TP53I13: variants seen among roughly 807,000 people sequenced by gnomAD.
The protein encoded by TP53I13 is tumor protein p53-inducible protein 13.
Under a neutral mutation model 39.1 loss-of-function variants are expected in TP53I13, and 27 were observed. The observed-to-expected ratio is 0.69, with a 90% CI of 0.51 to 0.95. TP53I13 has a LOEUF of 0.95. Ranked by LOEUF, TP53I13 falls within the 40% of genes least tolerant of loss-of-function variation. TP53I13 has a pLI of 0.00. For missense variants in TP53I13, 544 were observed against 520.4 expected (o/e 1.05, Z -0.44); for synonymous variants, 230 against 224.6 (o/e 1.02, Z -0.22).
chr17:29,569,635 A>C, intron 3 of TP53I13: 1 of 351,250 alleles, frequency 2.8e-6, no homozygotes. Context: ...TGTGAGTGGA[A>C]CTCTCTCTGA....
Position 29,572,539 on chromosome 17 carries a change from C to T in TP53I13, c.911C>T (p.Thr304Ile), listed in dbSNP as rs892961067. The T allele has an allele frequency of 2.5e-6, 4 of 1,605,744 alleles. No individual in the cohort carries two copies. The African/African-American group carries it at 4.0e-5, about 16-fold the overall frequency. Residue 304 changes from threonine (T) to isoleucine (I), a missense_variant, in exon 6 of 7, where the codon ACC becomes ATC. By Grantham distance (89) the Thr-to-Ile change is moderately conservative. Coordinates refer to ENST00000301057, the MANE Select transcript of TP53I13 (RefSeq NM_138349.4). Reference sequence around the variant, plus strand: ...CCTCCACGGGCAGCCCGGGGCCCCACCCCACGCACTGAAGAGGCCGCCTGG... The same window carrying T: ...CCTCCACGGGCAGCCCGGGGCCCCATCCCACGCACTGAAGAGGCCGCCTGG... ...AAPPRAARGP[T>I]PRTEEAAWAA...
chr17:29,575,291 T>C, downstream of TP53I13: 4 of 1,611,088 alleles, frequency 2.5e-6, no homozygotes, highest in Non-Finnish European at 3.4e-6. The surrounding 1 kb of genome is among the most constrained non-coding windows in gnomAD (Gnocchi z 5.5). Flanking sequence ...TCAGTACCTG[T>C]CATGCTTGAA....
chr17:29,568,859 C>T lies in TP53I13; in HGVS notation c.72+29C>T. On this transcript the variant is annotated intron_variant, in intron 1 of 6. Coordinates refer to ENST00000301057, the MANE Select transcript of TP53I13 (RefSeq NM_138349.4). The surrounding 1 kb of genome is among the most constrained non-coding windows in gnomAD (Gnocchi z 4.5). The stretch of plus-strand genomic sequence containing the variant: ...AGGTGACCCGCTCCTGGGAAGGCCT[C>T]GGCCCGCGAGCTCAAAGCGCTTTGC... The T allele has an allele frequency of 1.9e-6, 3 of 1,599,678 alleles. No homozygotes were observed. The highest frequency in any genetic ancestry group is 1.1e-5 in the South Asian group (1 of 91,026).
the TP53I13 span, chr17:29,578,386 G>A: frequency 3.7e-6 from 6 of 1,613,280 alleles, no homozygotes; most frequent in South Asian, 2.2e-5. Context: ...AGGAAGAGAG[G>A]GGCCCAGATG....
downstream of TP53I13, chr17:29,574,380 C>A: frequency 2.6e-6 from 1 of 386,476 alleles, no homozygotes. Context: ...GTGTCCCCAC[C>A]TGCCCCTTTG....
chr17:29,575,298 T>G (rs2033151398), downstream of TP53I13: 1 of 1,611,838 alleles, frequency 6.2e-7, no homozygotes, highest in East Asian at 2.2e-5. This position sits in a 1 kb window ranked among gnomAD's most constrained non-coding sequence, Gnocchi z 5.5. Flanking sequence ...CTGTCATGCT[T>G]GAACTCCTGG....
At position 29,572,965 on chromosome 17, in the gene TP53I13, CGCCGCGAG is replaced by C. The variant is rs1444451118; in HGVS notation, c.*49_*56del. 21 of 1,355,392 alleles carry C rather than the reference CGCCGCGAG, an allele frequency of 1.5e-5. No homozygotes were observed. The East Asian group carries it at 6.1e-4, about 40-fold the overall frequency. The allele number at this position is 1,355,392 out of a possible 1,614,324, so 84.0% of individuals were successfully genotyped here. A position where few individuals can be genotyped will look rare whatever the true frequency, so the allele number is the denominator to read the frequency against. Reference sequence around the variant, plus strand: ...CACTGTGGCGTGCGGCTCCTCCCCGCGCCGCGAGGCCGCGACCTCTGCCACGTGGACCG... The same window carrying C: ...CACTGTGGCGTGCGGCTCCTCCCCGCGCCGCGACCTCTGCCACGTGGACCG... On this transcript the variant is annotated 3_prime_UTR_variant, in exon 7 of 7. Coordinates refer to ENST00000301057, the MANE Select transcript of TP53I13 (RefSeq NM_138349.4).
the TP53I13 span, chr17:29,579,169 T>G: frequency 1.6e-6 from 1 of 611,890 alleles, no homozygotes; most frequent in Non-Finnish European, 3.0e-6. Context: ...TGGCTTGCTC[T>G]TCCTCTCAGT....
chr17:29,581,701 C>A, the TP53I13 span: 1 of 1,521,752 alleles, frequency 6.6e-7, no homozygotes, highest in Non-Finnish European at 9.0e-7. This position sits in a 1 kb window ranked among gnomAD's most constrained non-coding sequence, Gnocchi z 4.8. Context: ...CCAGCCCCAG[C>A]CAGGCCTGTC....
Position 29,572,669 on chromosome 17 carries a change from C to T in TP53I13, c.1041C>T (p.Pro347=). The change falls in exon 6 of 7, where the codon CCC becomes CCT. Residue 347 remains proline, a synonymous_variant. Coordinates refer to ENST00000301057, the MANE Select transcript of TP53I13 (RefSeq NM_138349.4). ...FRRGESIYWG[P]TADSQDTVAA... ...GCGGGGAGAGCATCTACTGGGGGCCCACAGCGGACAGCCAGGACACAGTGG... is the reference window on the plus strand; with the variant it reads ...GCGGGGAGAGCATCTACTGGGGGCCTACAGCGGACAGCCAGGACACAGTGG... The T allele has an allele frequency of 6.3e-7, 1 of 1,575,232 alleles. No individual in the cohort carries two copies. Among genetic ancestry groups the T allele is most frequent in the Non-Finnish European group, 8.6e-7 (1 of 1,161,112 alleles).
At chr17:29,581,957 A>T in the TP53I13 span, 1 of 1,612,920 alleles carries the variant, frequency 6.2e-7, no homozygotes, top group East Asian at 2.2e-5. This position sits in a 1 kb window ranked among gnomAD's most constrained non-coding sequence, Gnocchi z 4.8. Context: ...GCGGCCATTA[A>T]CATCAGGGGA....
rs763788667 is a variant in TP53I13 at position 29,568,990 on chromosome 17, G to C, written c.73-28G>C. 6.2e-7 allele frequency: 1 copy of C among 1,601,464 alleles called. No homozygotes were observed. Among genetic ancestry groups the C allele is most frequent in the East Asian group, 2.3e-5 (1 of 44,344 alleles). ...AGGGCAGGGCCTCGCCGCGTCCAGC[G>C]CCCCAACTCTTCGCTTTGGACCCAC... On this transcript the variant is annotated intron_variant, in intron 1 of 6. Transcript: ENST00000301057. The surrounding 1 kb of genome is among the most constrained non-coding windows in gnomAD (Gnocchi z 4.5).
At chr17:29,569,164 C>A in intron 2 of TP53I13, 78 bp downstream of exon 2, 1 of 1,504,180 alleles carries the variant, frequency 6.6e-7, no homozygotes, top group Non-Finnish European at 9.1e-7. Context: ...CCGCACCCTC[C>A]ACAGTCACCA....
At chr17:29,579,116 C>G in the TP53I13 span, 1 of 797,766 alleles carries the variant, frequency 1.3e-6, no homozygotes, top group Non-Finnish European at 2.2e-6. Context: ...CCAGAAGGGA[C>G]AAAGCTGAAT....
chr17:29,581,686 C>T, the TP53I13 span: 6 of 1,431,642 alleles, frequency 4.2e-6, no homozygotes, highest in African/African-American at 4.2e-5. The surrounding 1 kb of genome is among the most constrained non-coding windows in gnomAD (Gnocchi z 4.8). Flanking sequence ...CCAGGTCCCA[C>T]CTGCCCAGCC....
chr17:29,579,341 TCCACCCAGCAGCCAGGGTGA>T, the TP53I13 span: 2 of 336,924 alleles, frequency 5.9e-6, no homozygotes, highest in South Asian at 8.6e-5. Flanking sequence ...ACAATCCTGT[TCCACCCAGCAGCCAGGGTGA>T]TTTTTTGGAT....
downstream of TP53I13, chr17:29,577,594 G>C: frequency 8.5e-7 from 1 of 1,175,970 alleles, no homozygotes; most frequent in Non-Finnish European, 1.3e-6. Flanking sequence ...GATGAGGAGG[G>C]ACCGCGGGGA....
At chr17:29,576,179 C>A (rs759741896), downstream of TP53I13, 2 of 1,609,786 alleles carry the variant, frequency 1.2e-6, no homozygotes. Context: ...TGCGGCAGCC[C>A]CACCCATCTC....
chr17:29,566,892 G>A (rs1293792051), upstream of TP53I13: 1 of 1,494,128 alleles, frequency 6.7e-7, no homozygotes. Flanking sequence ...AGGGTCCCCG[G>A]AGCCGCGGGC....
Sources: gnomAD v4.1 joint callset for allele counts on GRCh38, gnomAD v4.1.1 for gene constraint, Gnocchi (gnomAD v3.1) non-coding constraint, MANE v1.5 for transcripts, NCBI Gene and HGNC (gene_info 2026-07-23, HGNC 2026-07-21) for gene names.